UNC5D: variants seen among roughly 807,000 people sequenced by gnomAD.
UNC5D encodes the protein unc-5 netrin receptor D.
Under a neutral mutation model 105.4 loss-of-function variants are expected in UNC5D, and 39 were observed. The observed-to-expected ratio is 0.37, with a 90% CI of 0.29 to 0.48. The LOEUF (loss-of-function observed/expected upper bound fraction) is 0.48, where lower values mean the gene tolerates loss of function less well. Ranked by LOEUF, UNC5D falls within the 20% of genes least tolerant of loss-of-function variation. UNC5D has a pLI of 0.98. For synonymous variants in UNC5D, 452 were observed against 450.4 expected (o/e 1.00, Z -0.04); for missense variants, 991 against 1,202.4 (o/e 0.82, Z 2.60).
chr8:35,241,634 C>CA (rs1172926297), intron 1 of UNC5D, among the ~76,000 whole-genome samples: 2 of 151,670 alleles, frequency 1.3e-5, no homozygotes. Flanking sequence ...TGACCAGTCT[C>CA]ACTTTTTTTT....
chr8:35,731,986 T>A (rs1052157376), intron 11 of UNC5D, among the ~76,000 whole-genome samples: 3 of 152,148 alleles, frequency 2.0e-5, no homozygotes, highest in Non-Finnish European at 4.4e-5. Context: ...TTAGTGCAAG[T>A]ATAATATTTT....
chr8:35,488,857 G>A (rs1219108781), intron 1 of UNC5D, among the ~76,000 whole-genome samples: 1 of 152,176 alleles, frequency 6.6e-6, no homozygotes, highest in African/African-American at 2.4e-5. Context: ...ACTTGATTCA[G>A]ATGATATTTA....
At chr8:35,630,559 T>C (rs1277609884) in intron 4 of UNC5D, among the ~76,000 whole-genome samples, 2 of 152,178 alleles carry the variant, frequency 1.3e-5, no homozygotes, top group Non-Finnish European at 2.9e-5. Context: ...CAGTGAAGTG[T>C]GTTTGACCCT....
At chr8:35,433,379 CTT>C (rs1806784057) in intron 1 of UNC5D, among the ~76,000 whole-genome samples, 1 of 152,052 alleles carries the variant, frequency 6.6e-6, no homozygotes, top group African/African-American at 2.4e-5. Flanking sequence ...CTTTTTCTGA[CTT>C]TCTAAAATTT....
In UNC5D at chr8:35,789,542, G is replaced by A. The variant is rs1233331265; in HGVS notation, c.2658-817G>A. 3.3e-5 allele frequency among the ~76,000 whole-genome samples: 5 copies of A among 151,930 alleles called. 1 individual carries two copies. The highest frequency in any genetic ancestry group is 1.3e-4 in the Admixed American group (2 of 15,226). On this transcript the variant is annotated intron_variant, in intron 16 of 16. Transcript: ENST00000404895. ...GGATACTTGTTCTAGTTAGAAGAAGGACCAGTTTGGAGGCACGGAGACACC... is the reference window on the plus strand; with the variant it reads ...GGATACTTGTTCTAGTTAGAAGAAGAACCAGTTTGGAGGCACGGAGACACC...
At position 35,775,644 on chromosome 8, in the gene UNC5D, G is replaced by A. The variant is rs557321467; in HGVS notation, c.2657+1167G>A. ...TCAGGCAAAACCTTATTTTCTTACT[G>A]TTTGGCTTGCTCTGTCATTTTCATT... is the stretch of plus-strand genomic sequence containing the variant. On this transcript the variant is annotated intron_variant, in intron 16 of 16. Transcript: ENST00000404895. Among the ~76,000 whole-genome samples, 3 of 149,848 alleles carry A rather than the reference G, an allele frequency of 2.0e-5. 1 individual carries two copies. The South Asian group carries it at 6.5e-4, about 32-fold the overall frequency.
chr8:35,271,712 T>C (rs927605894), intron 1 of UNC5D, among the ~76,000 whole-genome samples: 9 of 46,900 alleles, frequency 1.9e-4, no homozygotes, highest in African/African-American at 5.1e-4. Flanking sequence ...TACATATATA[T>C]TTATACATGT....
intron 7 of UNC5D, among the ~76,000 whole-genome samples, chr8:35,704,612 G>A (rs1486921886): frequency 1.3e-5 from 2 of 152,148 alleles, no homozygotes; most frequent in Admixed American, 1.3e-4. Context: ...CTGGATCCCT[G>A]TAGTCAGACA....
At chr8:35,735,505 G>A (rs1174039811) in intron 11 of UNC5D, among the ~76,000 whole-genome samples, 1 of 152,232 alleles carries the variant, frequency 6.6e-6, no homozygotes, top group East Asian at 1.9e-4. Flanking sequence ...CTGTTAGATG[G>A]TATGGTCTGC....
intron 1 of UNC5D, among the ~76,000 whole-genome samples, chr8:35,298,650 T>C (rs989810321): frequency 1.3e-5 from 2 of 150,900 alleles, no homozygotes; most frequent in East Asian, 3.9e-4. Context: ...AGTATGTGTA[T>C]GTTGAGTAGG....
chr8:35,694,575 A>G (rs773943535), intron 7 of UNC5D, among the ~76,000 whole-genome samples: 2 of 152,232 alleles, frequency 1.3e-5, no homozygotes, highest in African/African-American at 2.4e-5. Context: ...TTGCTTATCT[A>G]TAAAACAAAA....
chr8:35,345,601 A>G (rs1811751240), intron 1 of UNC5D, among the ~76,000 whole-genome samples: 1 of 152,114 alleles, frequency 6.6e-6, no homozygotes, highest in Non-Finnish European at 1.5e-5. Flanking sequence ...TGGGAAGAAG[A>G]GTAAACGTAG....
At chr8:35,608,574 A>G (rs965096852) in intron 4 of UNC5D, among the ~76,000 whole-genome samples, 2 of 152,072 alleles carry the variant, frequency 1.3e-5, no homozygotes, top group African/African-American at 4.8e-5. Context: ...CCTGGTTTCC[A>G]CTATTATTCT....
chr8:35,545,819 T>G (rs1007947678), intron 1 of UNC5D, among the ~76,000 whole-genome samples: 1 of 152,180 alleles, frequency 6.6e-6, no homozygotes, highest in African/African-American at 2.4e-5. Context: ...AATTTTTGTA[T>G]TTATGTAATA....
intron 1 of UNC5D, among the ~76,000 whole-genome samples, chr8:35,413,423 C>A (rs1805327007): frequency 6.7e-6 from 1 of 149,542 alleles, no homozygotes; most frequent in South Asian, 2.1e-4. Context: ...CTCTTAAACT[C>A]ATTAAGAATA....
At chr8:35,540,181 A>T (rs1425294066) in intron 1 of UNC5D, among the ~76,000 whole-genome samples, 1 of 152,166 alleles carries the variant, frequency 6.6e-6, no homozygotes, top group Non-Finnish European at 1.5e-5. Context: ...TCATACACAA[A>T]TGTATCCATT....
chr8:35,354,838 T>G (rs1193615908), intron 1 of UNC5D, among the ~76,000 whole-genome samples: 3 of 152,146 alleles, frequency 2.0e-5, no homozygotes, highest in Non-Finnish European at 4.4e-5. Flanking sequence ...GACCCACTTG[T>G]AAGATGTCGT....
At chr8:35,358,524 A>C (rs1008288138) in intron 1 of UNC5D, among the ~76,000 whole-genome samples, 12 of 152,182 alleles carry the variant, frequency 7.9e-5, no homozygotes, top group Non-Finnish European at 1.8e-4. Context: ...TCAGGAAAAA[A>C]TATCTAATGT....
intron 1 of UNC5D, among the ~76,000 whole-genome samples, chr8:35,319,279 C>T (rs1809538264): frequency 6.6e-6 from 1 of 152,070 alleles, no homozygotes; most frequent in Admixed American, 6.6e-5. Flanking sequence ...CCCCCACAGG[C>T]TCCACACTAT....
Sources: gnomAD v4.1 joint callset for allele counts (sites outside exome capture counted in the v4.1 genomes callset) on GRCh38, gnomAD v4.1.1 for gene constraint, MANE v1.5 for transcripts, NCBI Gene and HGNC (gene_info 2026-07-23, HGNC 2026-07-21) for gene names.